RGS13: variants seen among roughly 807,000 people sequenced by gnomAD.
The protein encoded by RGS13 is regulator of G-protein signalling 13.
In RGS13, 14 loss-of-function variants were observed where a neutral mutation model predicts 19.9. The observed-to-expected ratio is 0.70, with a 90% CI of 0.46 to 1.10. RGS13 has a LOEUF of 1.10. Among genes scored for constraint, RGS13 ranks in the 50% least tolerant of loss-of-function variants. The pLI is 0.00. For missense variants in RGS13, 205 were observed against 187.1 expected (o/e 1.10, Z -0.56); for synonymous variants, 60 against 56.8 (o/e 1.06, Z -0.25).
rs539154019 is a variant in RGS13 at position 192,642,930 on chromosome 1, G to A, written c.-4-1401G>A. Among the ~76,000 whole-genome samples the A allele has an allele frequency of 6.6e-4, 100 of 152,260 alleles. 1 individual carries two copies. Among genetic ancestry groups the A allele is most frequent in the African/African-American group, 2.4e-3 (98 of 41,548 alleles). ...GCTACAGCACAGTGGTGCAATTACA[G>A]CTTGCTACAGCCTCCATCTCCTGGG... On this transcript the variant is annotated intron_variant, in intron 3 of 6. Coordinates refer to ENST00000391995, the MANE Select transcript of RGS13 (RefSeq NM_002927.5).
At chr1:192,650,396 A>AAAACT (rs1471907854) in intron 5 of RGS13, among the ~76,000 whole-genome samples, 1 of 152,134 alleles carries the variant, frequency 6.6e-6, no homozygotes, top group Non-Finnish European at 1.5e-5. Flanking sequence ...CCAGTAAGAC[A>AAAACT]AAACTAAAAA....
At chr1:192,657,713 C>T (rs113457106) in intron 5 of RGS13, among the ~76,000 whole-genome samples, 12 of 152,212 alleles carry the variant, frequency 7.9e-5, no homozygotes, top group African/African-American at 2.9e-4. Flanking sequence ...GAGAAACACT[C>T]CAGGGTGTAC....
intron 3 of RGS13, among the ~76,000 whole-genome samples, chr1:192,641,304 A>AAGAC (rs766320078): frequency 1.1e-4 from 13 of 120,536 alleles, no homozygotes; most frequent in Non-Finnish European, 3.8e-5. Flanking sequence ...GAAAGAAAGA[A>AAGAC]AGAAAAGAAA....
intron 4 of RGS13, chr1:192,646,862 T>C (rs903498511): frequency 3.3e-5 from 5 of 152,178 alleles, no homozygotes; most frequent in Non-Finnish European, 7.3e-5. Context: ...TAGTATTCCA[T>C]GGTGTATAAA....
At chr1:192,641,222 G>GAAAGAA (rs1553256994) in intron 3 of RGS13, among the ~76,000 whole-genome samples, 18 of 64,920 alleles carry the variant, frequency 2.8e-4, no homozygotes, top group African/African-American at 8.1e-4. Context: ...GAAAGAAAGA[G>GAAAGAA]AGAAAGAAAG....
At chr1:192,644,234 T>C in intron 3 of RGS13, 97 bp from the exon 4 acceptor site, 1 of 855,644 alleles carries the variant, frequency 1.2e-6, no homozygotes, top group African/African-American at 1.8e-5. Flanking sequence ...ATCTTTTTTT[T>C]TATGATTTAT....
At chr1:192,648,996 C>T (rs1267602248) in intron 5 of RGS13, among the ~76,000 whole-genome samples, 1 of 152,074 alleles carries the variant, frequency 6.6e-6, no homozygotes, top group East Asian at 1.9e-4. Flanking sequence ...TAGGTGTAGA[C>T]ACTTGGCTAC....
intron 5 of RGS13, among the ~76,000 whole-genome samples, chr1:192,655,204 C>T (rs946148292): frequency 6.6e-6 from 1 of 152,090 alleles, no homozygotes; most frequent in South Asian, 2.1e-4. Context: ...CATATTCAGA[C>T]AAAAGTTAGC....
intron 3 of RGS13, among the ~76,000 whole-genome samples, chr1:192,638,422 A>G (rs1663050147): frequency 6.6e-6 from 1 of 151,684 alleles, no homozygotes; most frequent in African/African-American, 2.4e-5. Context: ...TGGGTTAAGT[A>G]TTTTTTAATT....
chr1:192,642,747 T>G (rs1009915868), intron 3 of RGS13, among the ~76,000 whole-genome samples: 25 of 152,154 alleles, frequency 1.6e-4, no homozygotes, highest in African/African-American at 5.8e-4. Flanking sequence ...AGATGTTACT[T>G]AACTGGGCTG....
chr1:192,654,699 T>C (rs890152778), intron 5 of RGS13, among the ~76,000 whole-genome samples: 1 of 152,038 alleles, frequency 6.6e-6, no homozygotes, highest in Non-Finnish European at 1.5e-5. Context: ...AATTCTGGAA[T>C]AGATGGGCCA....
intron 5 of RGS13, among the ~76,000 whole-genome samples, chr1:192,657,868 C>T (rs569769975): frequency 6.6e-6 from 1 of 152,134 alleles, no homozygotes; most frequent in African/African-American, 2.4e-5. Context: ...ATTAGAGCCC[C>T]CGTCCTCCTG....
At chr1:192,642,322 CT>C (rs200314337) in intron 3 of RGS13, among the ~76,000 whole-genome samples, 377 of 136,532 alleles carry the variant, frequency 2.8e-3, no homozygotes, top group Admixed American at 2.7e-3. Context: ...AACATAATTC[CT>C]TTTTTTTTTT....
At chr1:192,654,711 T>G (rs1663404633) in intron 5 of RGS13, among the ~76,000 whole-genome samples, 1 of 152,086 alleles carries the variant, frequency 6.6e-6, no homozygotes, top group Admixed American at 6.6e-5. Flanking sequence ...GATGGGCCAC[T>G]GTTCTGACTC....
At position 192,647,929 on chromosome 1, in the gene RGS13, T is replaced by G. The variant is rs746031314; in HGVS notation, c.69T>G (p.Leu23=). 2.3e-5 allele frequency: 37 copies of G among 1,591,464 alleles called. No homozygotes were observed. The highest frequency in any genetic ancestry group is 3.1e-5 in the Non-Finnish European group (36 of 1,168,028). ...RDESKRPPSN[L]TLEEVLQWAQ... ...TGCTTTTTGTTTCTTTTCAAAGCCT[T>G]ACTTTGGAGGAAGTATTACAGTGGG... The change falls in exon 5 of 7, where the codon CTT becomes CTG. Residue 23 remains leucine, a synonymous_variant. Coordinates refer to ENST00000391995, the MANE Select transcript of RGS13 (RefSeq NM_002927.5).
intron 5 of RGS13, among the ~76,000 whole-genome samples, chr1:192,648,212 A>G (rs1663254844): frequency 6.6e-6 from 1 of 152,200 alleles, no homozygotes; most frequent in African/African-American, 2.4e-5. Flanking sequence ...TATTCTTCAC[A>G]AGTATATGCA....
At chr1:192,653,365 C>T (rs926140540) in intron 5 of RGS13, among the ~76,000 whole-genome samples, 1 of 152,064 alleles carries the variant, frequency 6.6e-6, no homozygotes, top group Non-Finnish European at 1.5e-5. Flanking sequence ...AGCACTGACA[C>T]TGCCATTGGG....
At chr1:192,647,022 C>T (rs1663235323) in intron 4 of RGS13, 1 of 152,086 alleles carries the variant, frequency 6.6e-6, no homozygotes, top group African/African-American at 2.4e-5. Context: ...TGACATAATA[C>T]ACCTTAATAA....
intron 3 of RGS13, among the ~76,000 whole-genome samples, chr1:192,644,081 T>A (rs1663172916): frequency 6.6e-6 from 1 of 152,220 alleles, no homozygotes; most frequent in Non-Finnish European, 1.5e-5. Flanking sequence ...CCTCATTGTT[T>A]AATAAATAGG....
Sources: allele counts gnomAD v4.1 joint callset (sites outside exome capture counted in the v4.1 genomes callset), GRCh38; gene constraint gnomAD v4.1.1; transcripts MANE v1.5; gene names NCBI Gene and HGNC (gene_info 2026-07-23, HGNC 2026-07-21).